Variants in SLC13A4 observed in about 807,000 individuals in gnomAD.
The protein encoded by SLC13A4 is solute carrier family 13 member 4, also known as Na(+)/sulfate cotransporter SUT-1.
Under a neutral mutation model 72.7 loss-of-function variants are expected in SLC13A4, and 28 were observed. That is an observed-to-expected ratio of 0.39 (90% CI 0.29 to 0.53). SLC13A4 has a LOEUF of 0.53. Ranked by LOEUF, SLC13A4 falls within the 20% of genes least tolerant of loss-of-function variation. The pLI, the probability that SLC13A4 is intolerant of heterozygous loss-of-function variation, is 0.78. For synonymous variants in SLC13A4, 312 were observed against 325.5 expected (o/e 0.96, Z 0.45); for missense variants, 653 against 788.0 (o/e 0.83, Z 2.05).
Position 135,701,707 on chromosome 7 carries a change from G to T in SLC13A4, c.687C>A (p.His229Gln), listed in dbSNP as rs761003536. 6.2e-7 allele frequency: 1 copy of T among 1,613,724 alleles called. No homozygotes were observed. Among genetic ancestry groups the T allele is most frequent in the South Asian group, 1.1e-5 (1 of 90,950 alleles). The change falls in exon 7 of 16, where the codon CAC becomes CAA. Residue 229 changes from histidine to glutamine, a missense_variant. Physicochemically the swap from His to Gln is conservative, Grantham distance 24 (BLOSUM62 0). Coordinates refer to ENST00000682651, the MANE Select transcript of SLC13A4 (RefSeq NM_001318192.2). ...GGGATGGGTGTTGCTTCTTGCCCTG[G>T]TGTTGGTTTGCAGTTTTGATGGGGT... ...ITNPIKTANQ[H>Q]QGKKQHPSQE... is the part of the protein sequence containing the mutation.
rs1222328955 is a variant in SLC13A4, at chr7:135,727,480, C to T, written c.17G>A (p.Gly6Asp). The T allele has an allele frequency of 3.2e-6, 5 of 1,550,496 alleles. No individual in the cohort carries two copies. Among genetic ancestry groups the T allele is most frequent in the Admixed American group, 2.0e-5 (1 of 50,996 alleles). MGLLQGLLRVRKLLLV... is the reference protein window; with the variant it reads MGLLQDLLRVRKLLLV... ...CAGCAGCTTCCGGACTCGGAGCAGGCCCTGCAGCAGGCCCATCGCGCCTCT... is the reference window on the plus strand; with the variant it reads ...CAGCAGCTTCCGGACTCGGAGCAGGTCCTGCAGCAGGCCCATCGCGCCTCT... The change falls in exon 1 of 16, where the codon GGC becomes GAC. Residue 6 changes from glycine to aspartate, a missense_variant. Coordinates refer to ENST00000682651, the MANE Select transcript of SLC13A4 (RefSeq NM_001318192.2).
At chr7:135,691,702 T>C in intron 11 of SLC13A4, 57 bp from the exon 12 acceptor site, 1 of 1,239,896 alleles carries the variant, frequency 8.1e-7, no homozygotes, top group East Asian at 2.3e-5. Context: ...AGGAGTAACA[T>C]GATGTCTCGG....
chr7:135,706,121 A>T lies in SLC13A4; in HGVS notation c.538+7T>A, dbSNP rs761705279. Reference sequence around the variant, plus strand: ...GCAAAGGAGAGATGAACTCCAGCAAACTGTACTGATGGGTTCGGCCTCTTC... The same window carrying T: ...GCAAAGGAGAGATGAACTCCAGCAATCTGTACTGATGGGTTCGGCCTCTTC... On this transcript the variant is annotated splice_region_variant and intron_variant, in intron 4 of 15. Transcript: ENST00000682651. 42 of 1,574,520 alleles carry T rather than the reference A, an allele frequency of 2.7e-5. No individual in the cohort carries two copies. Among genetic ancestry groups the T allele is most frequent in the Non-Finnish European group, 3.5e-5 (40 of 1,151,714 alleles).
intron 8 of SLC13A4, among the ~76,000 whole-genome samples, chr7:135,696,506 C>A (rs1795908329): frequency 6.6e-6 from 1 of 152,070 alleles, no homozygotes; most frequent in South Asian, 2.1e-4. Flanking sequence ...GAGCACACTA[C>A]CATGCCCAGC....
At chr7:135,691,847 G>A (rs538007748) in intron 11 of SLC13A4, 5 of 533,058 alleles carry the variant, frequency 9.4e-6, no homozygotes, top group African/African-American at 7.6e-5. Context: ...GGCAGGGCCT[G>A]GCTAGAGTAG....
chr7:135,717,289 G>T (rs1419473139), intron 2 of SLC13A4, among the ~76,000 whole-genome samples: 1 of 152,104 alleles, frequency 6.6e-6, no homozygotes, highest in African/African-American at 2.4e-5. Flanking sequence ...AAATTTTGAA[G>T]GCTCCAAGGA....
intron 14 of SLC13A4, 61 bp from the exon 15 acceptor site, chr7:135,684,322 G>A: frequency 3.9e-6 from 6 of 1,526,900 alleles, no homozygotes; most frequent in South Asian, 3.9e-5. Flanking sequence ...TGTGCTTAAT[G>A]TCAGGAGCAT....
chr7:135,706,082 G>A, intron 4 of SLC13A4, 46 bp downstream of exon 4: 2 of 1,533,784 alleles, frequency 1.3e-6, no homozygotes, highest in Non-Finnish European at 1.8e-6. Flanking sequence ...AGGACCCCAG[G>A]GGAGGTTGGA....
At chr7:135,683,318 A>G (rs1490066623) in intron 15 of SLC13A4, 3 of 868,456 alleles carry the variant, frequency 3.5e-6, no homozygotes, top group Non-Finnish European at 4.1e-6. Flanking sequence ...AAAAAAAAAA[A>G]AAAAAAGGAT....
chr7:135,720,241 A>T (rs1052947402), intron 2 of SLC13A4, among the ~76,000 whole-genome samples: 2 of 152,112 alleles, frequency 1.3e-5, no homozygotes, highest in Admixed American at 6.5e-5. Flanking sequence ...ATACCACTTT[A>T]TGGAGTCTTT....
rs527905121 is a variant in SLC13A4 at position 135,701,593 on chromosome 7, C to T, written c.714+87G>A. 74 of 1,329,406 alleles carry T rather than the reference C, an allele frequency of 5.6e-5. No homozygotes were observed. In the African/African-American group the frequency reaches 1.0e-3, roughly 18 times the overall value. The allele number at this position is 1,329,406 out of a possible 1,614,324, so 82.4% of individuals were successfully genotyped here. On this transcript the variant is annotated intron_variant, in intron 7 of 15. Coordinates refer to ENST00000682651, the MANE Select transcript of SLC13A4 (RefSeq NM_001318192.2). Reference sequence around the variant, plus strand: ...CTGGTGACAGCTCACTAGCCTGATTCCCTTACGACTTCAAGACCAGTGCCC... The same window carrying T: ...CTGGTGACAGCTCACTAGCCTGATTTCCTTACGACTTCAAGACCAGTGCCC...
At chr7:135,726,413 A>G (rs187050899) in intron 1 of SLC13A4, among the ~76,000 whole-genome samples, 3 of 152,282 alleles carry the variant, frequency 2.0e-5, no homozygotes, top group Admixed American at 2.0e-4. Flanking sequence ...TGTTTAACTT[A>G]ATCTTGGTTA....
intron 2 of SLC13A4, among the ~76,000 whole-genome samples, chr7:135,719,052 G>A (rs899184342): frequency 6.6e-6 from 1 of 152,216 alleles, no homozygotes; most frequent in African/African-American, 2.4e-5. Context: ...CATCAGGCAG[G>A]TGGATTCGGA....
intron 10 of SLC13A4, among the ~76,000 whole-genome samples, chr7:135,693,638 C>T (rs1795840162): frequency 1.3e-5 from 2 of 152,094 alleles, no homozygotes; most frequent in Admixed American, 6.5e-5. Flanking sequence ...AAGCTGGGTC[C>T]CTGTGGAAAA....
At chr7:135,722,944 C>T (rs909870457) in intron 1 of SLC13A4, among the ~76,000 whole-genome samples, 61 of 152,166 alleles carry the variant, frequency 4.0e-4, no homozygotes, top group African/African-American at 1.5e-3. Flanking sequence ...TGTCAACCTT[C>T]GTACTACTGA....
chr7:135,684,004 G>A, intron 15 of SLC13A4, 120 bp downstream of exon 15: 1 of 1,180,994 alleles, frequency 8.5e-7, no homozygotes, highest in Non-Finnish European at 1.1e-6. Context: ...TACCACACTG[G>A]GTTTAGCATT....
chr7:135,708,273 A>G, intron 2 of SLC13A4, 23 bp from the exon 3 acceptor site: 7 of 1,613,856 alleles, frequency 4.3e-6, no homozygotes, highest in Non-Finnish European at 5.9e-6. Flanking sequence ...CAGGCATGTC[A>G]GTCACCCTCC....
At chr7:135,719,890 A>T (rs1382419772) in intron 2 of SLC13A4, among the ~76,000 whole-genome samples, 2 of 146,848 alleles carry the variant, frequency 1.4e-5, no homozygotes, top group African/African-American at 5.0e-5. Context: ...GAGGAAGGAA[A>T]GAGAGAGAGA....
chr7:135,686,479 A>G lies in SLC13A4; in HGVS notation c.1447-796T>C, dbSNP rs147867299. On this transcript the variant is annotated intron_variant, in intron 13 of 15. Coordinates refer to ENST00000682651, the MANE Select transcript of SLC13A4 (RefSeq NM_001318192.2). ...CAGTCTCAACCTCCTGGGTTCAAGCAATCCTCCCACCTCAGCCTTCCAAGT... is the reference window on the plus strand; with the variant it reads ...CAGTCTCAACCTCCTGGGTTCAAGCGATCCTCCCACCTCAGCCTTCCAAGT... Among the ~76,000 whole-genome samples, 1,283 of 152,230 alleles carry G rather than the reference A, an allele frequency of 8.4e-3. 26 individuals are homozygous for G. The highest frequency in any genetic ancestry group is 0.028 in the African/African-American group (1,181 of 41,554).
Sources: allele counts gnomAD v4.1 joint callset (sites outside exome capture counted in the v4.1 genomes callset), GRCh38; gene constraint gnomAD v4.1.1; transcripts MANE v1.5; gene names NCBI Gene and HGNC (gene_info 2026-07-23, HGNC 2026-07-21).